AGBL4: variants seen among roughly 807,000 people sequenced by gnomAD.
AGBL4 encodes the protein cytosolic carboxypeptidase 6.
A neutral mutation model predicts 66.4 loss-of-function variants in AGBL4; 58 were observed. The observed-to-expected ratio is 0.87, with a 90% CI of 0.71 to 1.09. AGBL4 has a LOEUF of 1.09. Among genes scored for constraint, AGBL4 ranks in the 50% least tolerant of loss-of-function variants. AGBL4 has a pLI of 0.00. For missense variants in AGBL4, 579 were observed against 631.0 expected (o/e 0.92, Z 0.88); for synonymous variants, 234 against 222.9 (o/e 1.05, Z -0.44).
intron 6 of AGBL4, among the ~76,000 whole-genome samples, chr1:48,703,864 A>G (rs990896425): frequency 1.6e-4 from 24 of 152,380 alleles, no homozygotes; most frequent in African/African-American, 5.8e-4. Context: ...CTTTGTTGTT[A>G]ACTGATAATT....
At chr1:48,536,895 G>A (rs1643980735) in intron 12 of AGBL4, among the ~76,000 whole-genome samples, 1 of 152,220 alleles carries the variant, frequency 6.6e-6, no homozygotes. Flanking sequence ...CCCTGAGCCT[G>A]AGCTCTTGTG....
chr1:49,387,112 T>A (rs576436581), intron 3 of AGBL4, among the ~76,000 whole-genome samples: 1 of 151,958 alleles, frequency 6.6e-6, no homozygotes, highest in Admixed American at 6.6e-5. Flanking sequence ...TTCTGCTATA[T>A]ATTAGCTGTG....
chr1:49,198,861 G>A (rs1311408145), intron 4 of AGBL4, among the ~76,000 whole-genome samples: 2 of 151,446 alleles, frequency 1.3e-5, no homozygotes, highest in South Asian at 2.1e-4. Context: ...ATTATATTTG[G>A]CCCGTCTACC....
intron 1 of AGBL4, among the ~76,000 whole-genome samples, chr1:49,918,348 T>G (rs946703905): frequency 6.6e-6 from 1 of 151,664 alleles, no homozygotes; most frequent in Non-Finnish European, 1.5e-5. Context: ...GCAAGACTAA[T>G]AAAGAAGAAA....
rs374531045 is a variant in AGBL4 at position 49,643,180 on chromosome 1, C to A, written c.282+54133G>T. On this transcript the variant is annotated intron_variant, in intron 3 of 13. Transcript: ENST00000371839. ...TACAATGCCTGAGATAAAAAATACA[C>A]CAAACGGGACTAAAGGCAGATTATA... 1.4e-3 allele frequency among the ~76,000 whole-genome samples: 210 copies of A among 151,826 alleles called. 1 individual carries two copies. The highest frequency in any genetic ancestry group is 4.7e-3 in the African/African-American group (197 of 41,482).
intron 11 of AGBL4, among the ~76,000 whole-genome samples, chr1:48,548,762 TC>T (rs772996529): frequency 6.6e-5 from 10 of 152,106 alleles, no homozygotes; most frequent in Non-Finnish European, 1.3e-4. Context: ...ACTTCTCCTT[TC>T]CCCCTAGTTG....
Position 49,329,748 on chromosome 1 carries a change from T to C in AGBL4, c.283-83884A>G, listed in dbSNP as rs375409499. On this transcript the variant is annotated intron_variant, in intron 3 of 13. Coordinates refer to ENST00000371839, the MANE Select transcript of AGBL4 (RefSeq NM_032785.4). Reference sequence around the variant, plus strand: ...TGTCTATCAAAATTCTATTAATCTTTCAAGTGTGGCCCATTAATGCTAGTT... The same window carrying C: ...TGTCTATCAAAATTCTATTAATCTTCCAAGTGTGGCCCATTAATGCTAGTT... 4.6e-5 allele frequency among the ~76,000 whole-genome samples: 7 copies of C among 152,122 alleles called. No homozygotes were observed. The East Asian group carries it at 9.6e-4, about 21-fold the overall frequency.
At chr1:48,967,802 C>G (rs536429164) in intron 5 of AGBL4, among the ~76,000 whole-genome samples, 32 of 152,234 alleles carry the variant, frequency 2.1e-4, no homozygotes, top group South Asian at 4.1e-4. Context: ...AAAACCAAGC[C>G]TAAGCGTGTT....
chr1:48,539,525 A>C, intron 12 of AGBL4, 117 bp downstream of exon 12: 1 of 773,178 alleles, frequency 1.3e-6, no homozygotes. Flanking sequence ...GGCCAGGATT[A>C]TCTTTCCTGC....
chr1:49,258,899 C>T (rs1368258302), intron 3 of AGBL4, among the ~76,000 whole-genome samples: 1 of 152,080 alleles, frequency 6.6e-6, no homozygotes, highest in Non-Finnish European at 1.5e-5. Context: ...TTAAGGGCAG[C>T]CAGAGAGAAA....
At chr1:49,211,517 C>T (rs1648668236) in intron 4 of AGBL4, among the ~76,000 whole-genome samples, 1 of 152,100 alleles carries the variant, frequency 6.6e-6, no homozygotes, top group Admixed American at 6.6e-5. Context: ...AATGCAGGCA[C>T]AGTTCTTGGT....
In AGBL4 at chr1:48,705,487, C is replaced by A. The variant is rs569160158; in HGVS notation, c.635-42246G>T. On this transcript the variant is annotated intron_variant, in intron 6 of 13. Transcript: ENST00000371839. ...GTACTAAGCATTTCACATACATTGTCTCATCTAATTCTCCCAATAAACATA... is the reference window on the plus strand; with the variant it reads ...GTACTAAGCATTTCACATACATTGTATCATCTAATTCTCCCAATAAACATA... 5.9e-5 allele frequency among the ~76,000 whole-genome samples: 9 copies of A among 152,324 alleles called. No homozygotes were observed. In the East Asian group the frequency reaches 1.3e-3, roughly 23 times the overall value.
Position 49,662,081 on chromosome 1 carries a change from T to C in AGBL4, c.282+35232A>G, listed in dbSNP as rs114742431. Among the ~76,000 whole-genome samples the C allele has an allele frequency of 3.7e-3, 567 of 151,840 alleles. 1 individual carries two copies. The highest frequency in any genetic ancestry group is 0.013 in the African/African-American group (527 of 41,510). On this transcript the variant is annotated intron_variant, in intron 3 of 13. Coordinates refer to ENST00000371839, the MANE Select transcript of AGBL4 (RefSeq NM_032785.4). Reference sequence around the variant, plus strand: ...GACAAAAAGAAATAATAATATATTATTTCTTTTAAATAAAAATCTATAACA... The same window carrying C: ...GACAAAAAGAAATAATAATATATTACTTCTTTTAAATAAAAATCTATAACA...
At chr1:49,273,585 TTAA>T (rs1453059028) in intron 3 of AGBL4, among the ~76,000 whole-genome samples, 10 of 150,876 alleles carry the variant, frequency 6.6e-5, no homozygotes, top group African/African-American at 2.4e-4. Context: ...AAATTTAATA[TTAA>T]TAATATAATA....
At chr1:49,636,616 T>C (rs1240738601) in intron 3 of AGBL4, among the ~76,000 whole-genome samples, 1 of 152,130 alleles carries the variant, frequency 6.6e-6, no homozygotes, top group Non-Finnish European at 1.5e-5. Context: ...AAACTAGACA[T>C]AAAAATGTAC....
In AGBL4 at chr1:49,923,457, A is replaced by G. The variant is rs1272129593; in HGVS notation, c.35-71939T>C. 2.0e-5 allele frequency among the ~76,000 whole-genome samples: 3 copies of G among 152,292 alleles called. No homozygotes were observed. The South Asian group carries it at 6.2e-4, about 32-fold the overall frequency. On this transcript the variant is annotated intron_variant, in intron 1 of 13. Transcript: ENST00000371839. ...ATGATGGTGACAAAATAAAAAAAAA[A>G]TAAGTGTGACCTAAGTAAACTAAAG...
At chr1:49,707,287 T>C (rs768898701) in intron 2 of AGBL4, among the ~76,000 whole-genome samples, 1 of 152,076 alleles carries the variant, frequency 6.6e-6, no homozygotes, top group Non-Finnish European at 1.5e-5. Context: ...CCCTTTACCC[T>C]TATGTAATGC....
intron 4 of AGBL4, among the ~76,000 whole-genome samples, chr1:49,110,583 A>C (rs1393694100): frequency 6.6e-6 from 1 of 152,100 alleles, no homozygotes; most frequent in Non-Finnish European, 1.5e-5. Context: ...CTTCTTAACA[A>C]AGGCCTTTTG....
intron 3 of AGBL4, among the ~76,000 whole-genome samples, chr1:49,683,452 C>A (rs1380564709): frequency 6.6e-6 from 1 of 152,100 alleles, no homozygotes; most frequent in African/African-American, 2.4e-5. Flanking sequence ...CTATTTCAGT[C>A]CTCACAAGAA....
Sources: allele counts gnomAD v4.1 joint callset (sites outside exome capture counted in the v4.1 genomes callset), GRCh38; gene constraint gnomAD v4.1.1; transcripts MANE v1.5; gene names NCBI Gene and HGNC (gene_info 2026-07-23, HGNC 2026-07-21).